Variants in HCN1 observed in about 807,000 individuals in gnomAD.
The protein encoded by HCN1 is hyperpolarization activated cyclic nucleotide gated potassium channel 1.
In HCN1, 13 loss-of-function variants were observed where a neutral mutation model predicts 78.9. The observed-to-expected ratio is 0.16, with a 90% CI of 0.11 to 0.26. HCN1 has a LOEUF of 0.26. HCN1 is among the 10% of genes least tolerant of loss of function. The pLI is 1.00. For synonymous variants in HCN1, 552 were observed against 455.5 expected (o/e 1.21, Z -2.70); for missense variants, 810 against 1,154.3 (o/e 0.70, Z 4.32).
chr5:45,594,702 T>G (rs1204177157), intron 2 of HCN1, among the ~76,000 whole-genome samples: 1 of 152,220 alleles, frequency 6.6e-6, no homozygotes, highest in Admixed American at 6.5e-5. Context: ...TCTAGTACAA[T>G]ATCCAGATTT....
At chr5:45,339,809 A>G (rs770092110) in intron 5 of HCN1, among the ~76,000 whole-genome samples, 1 of 152,208 alleles carries the variant, frequency 6.6e-6, no homozygotes, top group Non-Finnish European at 1.5e-5. Context: ...TGAGGAAATA[A>G]AAGGTTTGTC....
chr5:45,649,875 T>C (rs1745643917), intron 1 of HCN1, among the ~76,000 whole-genome samples: 1 of 152,130 alleles, frequency 6.6e-6, no homozygotes, highest in Non-Finnish European at 1.5e-5. Flanking sequence ...TAAATAATAA[T>C]TTCTTATTTG....
At chr5:45,525,304 C>T (rs935736186) in intron 2 of HCN1, among the ~76,000 whole-genome samples, 5 of 151,816 alleles carry the variant, frequency 3.3e-5, no homozygotes, top group Non-Finnish European at 5.9e-5. Context: ...TTTTTCCTAA[C>T]TTAAAAAGCA....
chr5:45,286,632 G>T (rs1182360330), intron 6 of HCN1, among the ~76,000 whole-genome samples: 1 of 151,890 alleles, frequency 6.6e-6, no homozygotes, highest in Non-Finnish European at 1.5e-5. Flanking sequence ...TGTTAGTATT[G>T]AAAATATTAG....
At chr5:45,279,268 G>A (rs543610079) in intron 6 of HCN1, among the ~76,000 whole-genome samples, 2 of 152,164 alleles carry the variant, frequency 1.3e-5, no homozygotes, top group South Asian at 4.1e-4. Context: ...ATGATAAAAA[G>A]GACACCAGGA....
At chr5:45,610,201 T>G (rs1313808249) in intron 2 of HCN1, among the ~76,000 whole-genome samples, 1 of 152,118 alleles carries the variant, frequency 6.6e-6, no homozygotes, top group African/African-American at 2.4e-5. Context: ...ACTTGAACCC[T>G]TTTTTCTGTG....
intron 2 of HCN1, among the ~76,000 whole-genome samples, chr5:45,493,845 G>A (rs1741956368): frequency 6.7e-6 from 1 of 148,810 alleles, no homozygotes; most frequent in East Asian, 2.0e-4. Flanking sequence ...GTGAGAATAT[G>A]CGGTGTTTGG....
In HCN1 at chr5:45,695,946, C is replaced by T. The variant is rs1462816724; in HGVS notation, c.148G>A (p.Ala50Thr). 2.2e-6 allele frequency: 3 copies of T among 1,349,268 alleles called. No homozygotes were observed. The allele number at this position is 1,349,268 out of a possible 1,614,324, so 83.6% of individuals were successfully genotyped here. The change falls in exon 1 of 8, where the codon GCG becomes ACG. Residue 50 changes from alanine to threonine, a missense_variant. Coordinates refer to ENST00000303230, the MANE Select transcript of HCN1 (RefSeq NM_021072.4). ...GTPPGGGGAG[A>T]KEHGNSVCFK... ...CACACGGAGTTGCCGTGCTCCTTCG[C>T]GCCGGCCCCGCCGCCCCCCGGCGGG... is the stretch of plus-strand genomic sequence containing the variant.
intron 6 of HCN1, among the ~76,000 whole-genome samples, chr5:45,299,606 A>G (rs1745567972): frequency 6.6e-6 from 1 of 151,904 alleles, no homozygotes; most frequent in Non-Finnish European, 1.5e-5. Context: ...AGTATTATGA[A>G]CAATTGAATT....
At chr5:45,327,624 A>C (rs1047299505) in intron 5 of HCN1, among the ~76,000 whole-genome samples, 1 of 151,576 alleles carries the variant, frequency 6.6e-6, no homozygotes, top group Non-Finnish European at 1.5e-5. Context: ...TGTGTCTCCC[A>C]AAAAAATTTA....
chr5:45,580,027 G>A (rs931199820), intron 2 of HCN1, among the ~76,000 whole-genome samples: 6 of 152,024 alleles, frequency 3.9e-5, no homozygotes, highest in Non-Finnish European at 8.8e-5. Flanking sequence ...ATATACTGGA[G>A]TCGCCTATTC....
chr5:45,692,083 C>T (rs1739925911), intron 1 of HCN1, among the ~76,000 whole-genome samples: 1 of 152,162 alleles, frequency 6.6e-6, no homozygotes, highest in South Asian at 2.1e-4. Context: ...TTTGTGTAAG[C>T]ATGATGGAAC....
intron 6 of HCN1, among the ~76,000 whole-genome samples, chr5:45,284,306 G>A (rs1030282633): frequency 1.3e-5 from 2 of 151,966 alleles, no homozygotes; most frequent in East Asian, 1.9e-4. Flanking sequence ...AAAAATTGGC[G>A]CTCATTGAAA....
At chr5:45,635,882 A>G (rs979747669) in intron 2 of HCN1, among the ~76,000 whole-genome samples, 6 of 152,166 alleles carry the variant, frequency 3.9e-5, no homozygotes, top group Non-Finnish European at 8.8e-5. Flanking sequence ...GTATGTTTAT[A>G]TTTAAATCAA....
At chr5:45,641,794 A>T (rs1219931279) in intron 2 of HCN1, 2 of 151,976 alleles carry the variant, frequency 1.3e-5, no homozygotes, top group Non-Finnish European at 2.9e-5. Flanking sequence ...CTGTAAAGGA[A>T]CTCTTCACCT....
At chr5:45,560,629 C>T (rs1157791997) in intron 2 of HCN1, among the ~76,000 whole-genome samples, 1 of 151,756 alleles carries the variant, frequency 6.6e-6, no homozygotes, top group Non-Finnish European at 1.5e-5. Flanking sequence ...TTATCCTGTC[C>T]ACATTATTTT....
In HCN1 at chr5:45,436,304, T is replaced by A. The variant is rs568513436; in HGVS notation, c.1011+25542A>T. The stretch of plus-strand genomic sequence containing the variant: ...CAATGCCAATAATGAATTCCCTACC[T>A]AAACCCAACTAACTATGTGAATGCT... On this transcript the variant is annotated intron_variant, in intron 3 of 7. Transcript: ENST00000303230. Among the ~76,000 whole-genome samples the A allele has an allele frequency of 2.0e-5, 3 of 152,264 alleles. 1 individual carries two copies. In the South Asian group the frequency reaches 6.2e-4, roughly 32 times the overall value.
intron 2 of HCN1, among the ~76,000 whole-genome samples, chr5:45,525,073 G>T (rs1195262743): frequency 6.6e-6 from 1 of 152,092 alleles, no homozygotes; most frequent in Non-Finnish European, 1.5e-5. Flanking sequence ...ATGAAGGGCT[G>T]TTGAATTTTG....
intron 2 of HCN1, among the ~76,000 whole-genome samples, chr5:45,515,792 A>G (rs1742507233): frequency 6.6e-6 from 1 of 151,976 alleles, no homozygotes; most frequent in Non-Finnish European, 1.5e-5. Flanking sequence ...AATGCCTGCT[A>G]CTGGTTTCAT....
Sources: gnomAD v4.1 joint callset for allele counts (sites outside exome capture counted in the v4.1 genomes callset) on GRCh38, gnomAD v4.1.1 for gene constraint, MANE v1.5 for transcripts, NCBI Gene and HGNC (gene_info 2026-07-23, HGNC 2026-07-21) for gene names.